The following DUSP15 variants were observed in gnomAD, a reference collection of about 807,000 sequenced individuals.
The protein encoded by DUSP15 is dual specificity protein phosphatase 15.
In DUSP15, 23 loss-of-function variants were observed where a neutral mutation model predicts 26.3. The ratio of observed to expected loss-of-function variants is 0.87; its 90% CI spans 0.63 to 1.24. The LOEUF (loss-of-function observed/expected upper bound fraction) is 1.24. Ranked by LOEUF, DUSP15 falls within the 50% of genes most tolerant of loss-of-function variation. DUSP15 has a pLI of 0.00. For synonymous variants in DUSP15, 143 were observed against 135.5 expected (o/e 1.06, Z -0.39); for missense variants, 364 against 320.6 (o/e 1.14, Z -1.03).
At chr20:31,849,935 T>A in intron 7 of DUSP15, 2 of 1,417,528 alleles carry the variant, frequency 1.4e-6, no homozygotes, top group Non-Finnish European at 1.8e-6. Context: ...CCTCGCCTTC[T>A]TACCCTCCCC....
chr20:31,850,650 G>A, exon 7 of DUSP15: 2 of 1,611,946 alleles, frequency 1.2e-6, no homozygotes, highest in Admixed American at 1.7e-5. Context: ...GGGCACCAGA[G>A]GTTTTTGAGG....
Position 31,862,588 on chromosome 20 carries a change from A to G in DUSP15, c.418T>C (p.Trp140Arg). 2 of 1,612,220 alleles carry G rather than the reference A, an allele frequency of 1.2e-6. No individual in the cohort carries two copies. The highest frequency in any genetic ancestry group is 1.7e-6 in the Non-Finnish European group (2 of 1,178,814). The change falls in exon 6 of 7, where the codon TGG (tryptophan) becomes CGG (arginine). Residue 140 changes from tryptophan to arginine, a missense_variant. Coordinates refer to ENST00000339738, the MANE Select transcript of DUSP15 (RefSeq NM_080611.5). ...ATCCCTACCTTCTGGGAACTGGCCC[A>G]GCCAAACTCTTCAAGCTGCTGCCTA... Reference protein sequence around the residue: ...GFRQQLEEFGWASSQKLRRQL... With the variant: ...GFRQQLEEFGRASSQKLRRQL...
downstream of DUSP15, chr20:31,845,661 G>A: frequency 1.6e-6 from 2 of 1,285,028 alleles, no homozygotes; most frequent in Admixed American, 2.5e-5. Context: ...TCCCAGCCTG[G>A]AAAGGCAAAA....
At position 31,870,428 on chromosome 20, in the gene DUSP15, C is replaced by T. The variant is rs1006339961; in HGVS notation, c.-91G>A. 16 of 1,296,448 alleles carry T rather than the reference C, an allele frequency of 1.2e-5. No individual in the cohort carries two copies. The African/African-American group carries it at 1.7e-4, about 14-fold the overall frequency. The allele number at this position is 1,296,448 out of a possible 1,614,324, so 80.3% of individuals were successfully genotyped here. A position where few individuals can be genotyped will look rare whatever the true frequency, so the allele number is the denominator to read the frequency against. On this transcript the variant is annotated 5_prime_UTR_variant, in exon 1 of 7. Transcript: ENST00000339738. The surrounding 1 kb of genome is among the most constrained non-coding windows in gnomAD (Gnocchi z 6.6). ...TGCCCTGACGGCCCAGGCCCGACGC[C>T]TGCAGCCTGGCGGGGAACGGGGGGC...
In DUSP15 at chr20:31,861,108, C is replaced by T. The variant is rs2123242656; in HGVS notation, c.*295G>A. On this transcript the variant is annotated 3_prime_UTR_variant, in exon 7 of 7. Transcript: ENST00000339738. ...TGTGTCTCTTTAATACCCTCCAGGC[C>T]CGTCAAACCCTCCACTCTCCCTCCC... 7.8e-7 allele frequency: 1 copy of T among 1,289,694 alleles called. No homozygotes were observed. Among genetic ancestry groups the T allele is most frequent in the Admixed American group, 4.3e-5 (1 of 23,418 alleles). 79.9% of individuals were successfully genotyped at this position (1,289,694 alleles called of 1,614,324 possible).
exon 10 of DUSP15, chr20:31,848,508 G>A (rs773523717): frequency 4.4e-6 from 7 of 1,608,800 alleles, no homozygotes; most frequent in Admixed American, 3.4e-5. Flanking sequence ...CCATCTGGGC[G>A]CTCGGTTGAG....
At chr20:31,846,024 A>G (rs1293088760), downstream of DUSP15, among the ~76,000 whole-genome samples, 2 of 152,126 alleles carry the variant, frequency 1.3e-5, no homozygotes, top group African/African-American at 4.8e-5. Context: ...ACGGACAGAG[A>G]CACCCAGAGC....
chr20:31,869,612 G>GGC lies in DUSP15; in HGVS notation c.22-17_22-16dup. ...CCAGGAAGTACCTAGAGGAAGGACA[G>GGC]GCAAGGGTCAGTGGGGCAGGGGCTG... On this transcript the variant is annotated splice_polypyrimidine_tract_variant and intron_variant, in intron 1 of 6. Coordinates refer to ENST00000339738, the MANE Select transcript of DUSP15 (RefSeq NM_080611.5). The GGC allele has an allele frequency of 6.2e-7, 1 of 1,613,636 alleles. No individual in the cohort carries two copies. The highest frequency in any genetic ancestry group is 8.5e-7 in the Non-Finnish European group (1 of 1,179,828).
chr20:31,862,812 C>A, intron 5 of DUSP15, 70 bp from the exon 6 acceptor site: 1 of 1,445,946 alleles, frequency 6.9e-7, no homozygotes, highest in Non-Finnish European at 9.2e-7. Flanking sequence ...GGCACCCCAC[C>A]CTGCTTCAAC....
At chr20:31,849,928 C>CGCCTTCTTACCCTCCCCTT (rs2062439890) in intron 7 of DUSP15, 1 of 1,422,594 alleles carries the variant, frequency 7.0e-7, no homozygotes, top group African/African-American at 1.5e-5. Flanking sequence ...TAGCTCCCCT[C>CGCCTTCTTACCCTCCCCTT]GCCTTCTTAC....
chr20:31,868,476 CTTT>C (rs35862553), intron 2 of DUSP15, among the ~76,000 whole-genome samples: 23 of 97,314 alleles, frequency 2.4e-4, no homozygotes, highest in African/African-American at 3.6e-4. Context: ...TTTTCTTTCT[CTTT>C]TTTTTTTTTT....
intron 3 of DUSP15, 132 bp from the exon 4 acceptor site, chr20:31,865,134 T>A: frequency 1.0e-6 from 1 of 962,838 alleles, no homozygotes; most frequent in Non-Finnish European, 1.6e-6. Flanking sequence ...GTCCTCTCTG[T>A]CCAAAGAAAG....
intron 2 of DUSP15, 46 bp from the exon 3 acceptor site, chr20:31,867,199 C>T: frequency 6.5e-7 from 1 of 1,534,654 alleles, no homozygotes; most frequent in Non-Finnish European, 8.8e-7. Context: ...GCGGGATGTC[C>T]TGATGGCCAA....
intron 6 of DUSP15, among the ~76,000 whole-genome samples, chr20:31,853,345 T>C (rs774475102): frequency 2.0e-5 from 3 of 152,098 alleles, no homozygotes; most frequent in Non-Finnish European, 2.9e-5. Context: ...TGCCGAGCCA[T>C]AGAATGAAAT....
At chr20:31,852,400 C>T (rs1181343679) in intron 6 of DUSP15, among the ~76,000 whole-genome samples, 2 of 152,202 alleles carry the variant, frequency 1.3e-5, no homozygotes, top group Non-Finnish European at 2.9e-5. Context: ...GAGTCCACCA[C>T]CCACTTTATA....
intron 3 of DUSP15, among the ~76,000 whole-genome samples, chr20:31,865,234 G>A (rs902768406): frequency 1.1e-4 from 16 of 152,164 alleles, no homozygotes; most frequent in African/African-American, 3.6e-4. Flanking sequence ...CATCAGCGGC[G>A]TGGGCATGAC....
At position 31,869,591 on chromosome 20, in the gene DUSP15, G is replaced by A. The variant is rs140719545; in HGVS notation, c.28C>T (p.Pro10Ser). ...ATGAAGTTTCCGAGGTAGAGTCCAG[G>A]AAGTACCTAGAGGAAGGACAGGCAA... MGNGMTKVLPGLYLGNFIDA... is the reference protein window; with the variant it reads MGNGMTKVLSGLYLGNFIDA... Residue 10 changes from proline to serine, a missense_variant, in exon 2 of 7, where the codon CCT (proline) becomes TCT (serine). Physicochemically the swap from Pro to Ser is moderately conservative, Grantham distance 74 (BLOSUM62 -1). Coordinates refer to ENST00000339738, the MANE Select transcript of DUSP15 (RefSeq NM_080611.5). 336 of 1,613,722 alleles carry A rather than the reference G, an allele frequency of 2.1e-4. 1 individual carries two copies. In the African/African-American group the frequency reaches 4.1e-3, roughly 20 times the overall value.
chr20:31,861,120 C>T lies in DUSP15; in HGVS notation c.*283G>A. The T allele has an allele frequency of 7.6e-7, 1 of 1,307,534 alleles. No homozygotes were observed. The highest frequency in any genetic ancestry group is 9.7e-7 in the Non-Finnish European group (1 of 1,032,996). The allele number at this position is 1,307,534 out of a possible 1,614,324, so 81.0% of individuals were successfully genotyped here. A position where few individuals can be genotyped will look rare whatever the true frequency, so the allele number is the denominator to read the frequency against. On this transcript the variant is annotated 3_prime_UTR_variant, in exon 7 of 7. Transcript: ENST00000339738. ...ATACCCTCCAGGCCCGTCAAACCCT[C>T]CACTCTCCCTCCCTCCCCTCCCGCC...
At chr20:31,848,763 C>T (rs1250543577) in intron 9 of DUSP15, 1 of 1,578,646 alleles carries the variant, frequency 6.3e-7, no homozygotes, top group South Asian at 1.2e-5. Flanking sequence ...CTGGAGGGGA[C>T]TGGAGGGCGT....
Sources: gnomAD v4.1 joint callset for allele counts (sites outside exome capture counted in the v4.1 genomes callset) on GRCh38, gnomAD v4.1.1 for gene constraint, Gnocchi (gnomAD v3.1) non-coding constraint, MANE v1.5 for transcripts, NCBI Gene and HGNC (gene_info 2026-07-23, HGNC 2026-07-21) for gene names.